The following ERBB4 variants were observed in gnomAD, a reference collection of about 807,000 sequenced individuals.
The protein encoded by ERBB4 is receptor tyrosine-protein kinase erbB-4.
ERBB4 carries 42 observed loss-of-function variants against 158.0 expected under a neutral mutation model. The ratio of observed to expected loss-of-function variants is 0.27; its 90% confidence interval spans 0.21 to 0.34. The LOEUF is 0.34. Ranked by LOEUF, ERBB4 falls within the 10% of genes least tolerant of loss-of-function variation. ERBB4 has a pLI of 1.00. For synonymous variants in ERBB4, 583 were observed against 558.7 expected (o/e 1.04, Z -0.61); for missense variants, 1,333 against 1,624.1 (o/e 0.82, Z 3.08).
chr2:212,027,876 G>A (rs2076811342), intron 2 of ERBB4, among the ~76,000 whole-genome samples: 1 of 151,722 alleles, frequency 6.6e-6, no homozygotes, highest in African/African-American at 2.4e-5. Context: ...CATGCGGATT[G>A]AGCAAAAACT....
chr2:212,207,934 AAATTC>A (rs147282999), intron 1 of ERBB4, among the ~76,000 whole-genome samples: 8,845 of 152,156 alleles, frequency 0.058, 287 homozygotes, highest in African/African-American at 0.083. Flanking sequence ...AATTTGTATT[AAATTC>A]AATAATTAGA....
At chr2:212,288,157 G>C (rs1396106489) in intron 1 of ERBB4, among the ~76,000 whole-genome samples, 1 of 152,150 alleles carries the variant, frequency 6.6e-6, no homozygotes, top group Non-Finnish European at 1.5e-5. Context: ...CATGGTTTCA[G>C]CCCTGGATCT....
At position 211,387,911 on chromosome 2, in the gene ERBB4, C is replaced by A. The variant is rs375388241; in HGVS notation, c.3183+34G>T. The A allele has an allele frequency of 1.4e-5, 21 of 1,546,412 alleles. No homozygotes were observed. The African/African-American group carries it at 2.9e-4, about 21-fold the overall frequency. The stretch of plus-strand genomic sequence containing the variant: ...AACATGGTAAGCAAAGACCGAAAAT[C>A]CTAAAAGATGAAGGTTGATTGTGAA... On this transcript the variant is annotated intron_variant, in intron 26 of 27. Transcript: ENST00000342788.
At chr2:211,527,857 A>G (rs947477400) in intron 20 of ERBB4, among the ~76,000 whole-genome samples, 3 of 152,048 alleles carry the variant, frequency 2.0e-5, no homozygotes, top group Non-Finnish European at 2.9e-5. Context: ...AAAAAATGCA[A>G]TGGATACACA....
intron 1 of ERBB4, among the ~76,000 whole-genome samples, chr2:212,342,753 C>T (rs1434322145): frequency 6.6e-6 from 1 of 152,174 alleles, no homozygotes; most frequent in Non-Finnish European, 1.5e-5. Context: ...GACTTCTCAT[C>T]TCTTTAATAA....
intron 2 of ERBB4, among the ~76,000 whole-genome samples, chr2:211,972,538 C>T (rs2081484020): frequency 6.6e-6 from 1 of 152,090 alleles, no homozygotes; most frequent in Non-Finnish European, 1.5e-5. Flanking sequence ...CAGCAAGGTA[C>T]CGGTGAAAAA....
At chr2:212,525,809 C>T (rs1692416206) in intron 1 of ERBB4, among the ~76,000 whole-genome samples, 2 of 151,948 alleles carry the variant, frequency 1.3e-5, no homozygotes, top group African/African-American at 2.4e-5. Flanking sequence ...GTTGGCTCAT[C>T]TGGCAGGTGA....
At chr2:212,384,797 G>A (rs759662148) in intron 1 of ERBB4, among the ~76,000 whole-genome samples, 23 of 150,296 alleles carry the variant, frequency 1.5e-4, no homozygotes, top group Non-Finnish European at 3.0e-5. Flanking sequence ...AAAACATCTG[G>A]CAGTTAAATT....
At chr2:212,342,141 G>A (rs567614165) in intron 1 of ERBB4, among the ~76,000 whole-genome samples, 1 of 152,186 alleles carries the variant, frequency 6.6e-6, no homozygotes, top group South Asian at 2.1e-4. Flanking sequence ...ACATGCATTT[G>A]TGGTCCCAGC....
chr2:212,060,016 T>C (rs898376107), intron 2 of ERBB4, among the ~76,000 whole-genome samples: 1 of 152,110 alleles, frequency 6.6e-6, no homozygotes, highest in Non-Finnish European at 1.5e-5. Flanking sequence ...AACTACAGAA[T>C]GGGAGAAAAT....
At chr2:211,520,321 T>C (rs1462408648) in intron 20 of ERBB4, among the ~76,000 whole-genome samples, 1 of 152,088 alleles carries the variant, frequency 6.6e-6, no homozygotes, top group African/African-American at 2.4e-5. Context: ...TACATTTTAA[T>C]AAATATTTAC....
rs1453766977 is a variant in ERBB4 at position 212,327,101 on chromosome 2, A to G, written c.83-202198T>C. 1.3e-5 allele frequency among the ~76,000 whole-genome samples: 2 copies of G among 150,656 alleles called. 1 individual carries two copies. Among genetic ancestry groups the G allele is most frequent in the Non-Finnish European group, 3.0e-5 (2 of 67,174 alleles). On this transcript the variant is annotated intron_variant, in intron 1 of 27. Coordinates refer to ENST00000342788, the MANE Select transcript of ERBB4 (RefSeq NM_005235.3). ...TACTGATGATACCACCACCTGCTTC[A>G]TGAAGTTTTTGAGACGATTAAATGA...
intron 1 of ERBB4, among the ~76,000 whole-genome samples, chr2:212,376,722 AGG>A (rs1432579554): frequency 1.3e-5 from 2 of 152,058 alleles, no homozygotes; most frequent in East Asian, 3.9e-4. Flanking sequence ...TTAAATTCCT[AGG>A]ACCCTCAGTT....
rs6761306 is a variant in ERBB4, at chr2:211,989,368, C to T, written c.235-41752G>A. On this transcript the variant is annotated intron_variant, in intron 2 of 27. Transcript: ENST00000342788. The stretch of plus-strand genomic sequence containing the variant: ...GGAAAAATTTTCCCAAAATCCAATA[C>T]ATTGATCATTTGAATTTTACAACTA... Among the ~76,000 whole-genome samples, 907 of 152,038 alleles carry T rather than the reference C, an allele frequency of 6.0e-3. 6 individuals are homozygous for T. The highest frequency in any genetic ancestry group is 0.021 in the African/African-American group (857 of 41,530).
At chr2:211,446,357 G>T (rs2064112586) in intron 20 of ERBB4, among the ~76,000 whole-genome samples, 1 of 152,134 alleles carries the variant, frequency 6.6e-6, no homozygotes, top group African/African-American at 2.4e-5. Flanking sequence ...TGGATATTTG[G>T]GGTCACCCAG....
chr2:211,502,252 C>A (rs747154235), intron 20 of ERBB4, among the ~76,000 whole-genome samples: 1 of 152,066 alleles, frequency 6.6e-6, no homozygotes, highest in African/African-American at 2.4e-5. Flanking sequence ...ACTTCTATGG[C>A]TTCTAACAAA....
Position 211,725,054 on chromosome 2 carries a change from AAG to A in ERBB4, c.741+20_741+21del, listed in dbSNP as rs767403373. On this transcript the variant is annotated intron_variant, in intron 6 of 27. Coordinates refer to ENST00000342788, the MANE Select transcript of ERBB4 (RefSeq NM_005235.3). ...GAAGGAAAGGAGAGCAGGATAATAA[AAG>A]AGAGAAATCACAGACATACAAAGCA... 49 of 1,474,934 alleles carry A rather than the reference AAG, an allele frequency of 3.3e-5. No homozygotes were observed. In the African/African-American group the frequency reaches 4.3e-4, roughly 13 times the overall value. The allele number at this position is 1,474,934 out of a possible 1,614,324, so 91.4% of individuals were successfully genotyped here.
chr2:212,462,145 T>G (rs1574965404), intron 1 of ERBB4, among the ~76,000 whole-genome samples: 1 of 151,420 alleles, frequency 6.6e-6, no homozygotes, highest in East Asian at 1.9e-4. Context: ...CCCAAAACAA[T>G]GACACTACTA....
At chr2:212,311,441 CCAT>C (rs765391571) in intron 1 of ERBB4, among the ~76,000 whole-genome samples, 7 of 150,812 alleles carry the variant, frequency 4.6e-5, no homozygotes, top group Non-Finnish European at 8.9e-5. Context: ...AATCCTATCA[CCAT>C]AGAGTTGCAA....
Sources: gnomAD v4.1 joint callset for allele counts (sites outside exome capture counted in the v4.1 genomes callset) on GRCh38, gnomAD v4.1.1 for gene constraint, MANE v1.5 for transcripts, NCBI Gene and HGNC (gene_info 2026-07-23, HGNC 2026-07-21) for gene names.